Variants in ADGRB3 observed in about 807,000 individuals in gnomAD.
The protein encoded by ADGRB3 is brain-specific angiogenesis inhibitor 3.
ADGRB3 carries 37 observed loss-of-function variants against 193.4 expected under a neutral mutation model. That is an observed-to-expected ratio of 0.19 (90% confidence interval 0.15 to 0.25). ADGRB3 has a LOEUF of 0.25. ADGRB3 is among the 10% of genes least tolerant of loss of function. The probability of loss-of-function intolerance (pLI) is 1.00; values close to 1 mark genes in which losing one functional copy is unlikely to be tolerated. For missense variants in ADGRB3, 1,637 were observed against 1,852.9 expected (o/e 0.88, Z 2.14); for synonymous variants, 690 against 644.2 (o/e 1.07, Z -1.08).
At chr6:69,134,174 GA>G (rs1774087768) in intron 17 of ADGRB3, among the ~76,000 whole-genome samples, 1 of 152,020 alleles carries the variant, frequency 6.6e-6, no homozygotes, top group Non-Finnish European at 1.5e-5. Flanking sequence ...TGGTCCTCTT[GA>G]ATATGCTTTA....
intron 17 of ADGRB3, among the ~76,000 whole-genome samples, chr6:69,202,099 T>A (rs902838988): frequency 1.3e-5 from 2 of 152,158 alleles, no homozygotes; most frequent in Non-Finnish European, 2.9e-5. Context: ...AACCAGAAGT[T>A]GAAGTCACTC....
chr6:69,297,054 T>C (rs1767834636), intron 20 of ADGRB3, among the ~76,000 whole-genome samples: 1 of 152,102 alleles, frequency 6.6e-6, no homozygotes, highest in Non-Finnish European at 1.5e-5. Context: ...TCTCAGACTT[T>C]TACTCCAGGA....
chr6:68,993,666 T>G (rs932433132), intron 10 of ADGRB3, 102 bp from the exon 11 acceptor site: 41 of 1,232,286 alleles, frequency 3.3e-5, no homozygotes, highest in Non-Finnish European at 4.7e-5. Flanking sequence ...CAAGGCTATT[T>G]TAAGTTAATT....
intron 3 of ADGRB3, among the ~76,000 whole-genome samples, chr6:68,676,431 T>G (rs998268490): frequency 2.7e-5 from 4 of 146,184 alleles, no homozygotes; most frequent in Non-Finnish European, 6.0e-5. Context: ...AGAGAGAGAA[T>G]GAAGTTGACT....
At chr6:69,187,353 TAAC>T (rs1389508361) in intron 17 of ADGRB3, among the ~76,000 whole-genome samples, 2 of 152,218 alleles carry the variant, frequency 1.3e-5, no homozygotes, top group Non-Finnish European at 2.9e-5. Context: ...TTTAGGATGA[TAAC>T]AACTGCTATT....
chr6:68,737,205 G>A (rs1038999649), intron 3 of ADGRB3, among the ~76,000 whole-genome samples: 1 of 152,066 alleles, frequency 6.6e-6, no homozygotes, highest in African/African-American at 2.4e-5. Flanking sequence ...TATGAATCAA[G>A]TATAAGAATT....
intron 13 of ADGRB3, among the ~76,000 whole-genome samples, chr6:69,024,637 A>G (rs1278351999): frequency 2.0e-5 from 3 of 152,234 alleles, no homozygotes; most frequent in Non-Finnish European, 4.4e-5. Context: ...AGGAATTTCA[A>G]AAGTTCTGCT....
chr6:68,754,292 G>T (rs1349888216), intron 3 of ADGRB3, among the ~76,000 whole-genome samples: 1 of 152,266 alleles, frequency 6.6e-6, no homozygotes, highest in Non-Finnish European at 1.5e-5. Flanking sequence ...TTCATGCCAG[G>T]CCTCTGGTCA....
At chr6:69,337,986 G>T (rs1000488764) in intron 24 of ADGRB3, among the ~76,000 whole-genome samples, 2 of 152,208 alleles carry the variant, frequency 1.3e-5, no homozygotes, top group East Asian at 1.9e-4. Flanking sequence ...AAGTTGTTTG[G>T]AATTTTTAAT....
chr6:69,061,932 A>C (rs1771761727), intron 15 of ADGRB3, among the ~76,000 whole-genome samples: 1 of 152,004 alleles, frequency 6.6e-6, no homozygotes, highest in Admixed American at 6.6e-5. Context: ...GAATTAAACT[A>C]TGTACTTAAA....
chr6:69,359,042 A>C (rs912503694), intron 28 of ADGRB3, among the ~76,000 whole-genome samples: 3 of 151,722 alleles, frequency 2.0e-5, no homozygotes, highest in African/African-American at 7.2e-5. Flanking sequence ...ACGAATTTAA[A>C]TTATAGAGTC....
At chr6:69,124,916 C>G (rs1030210393) in intron 17 of ADGRB3, among the ~76,000 whole-genome samples, 24 of 150,596 alleles carry the variant, frequency 1.6e-4, no homozygotes, top group African/African-American at 5.9e-4. Flanking sequence ...CCTTAAGATG[C>G]TCAGTTGTCA....
At chr6:68,727,058 G>C (rs1361763738) in intron 3 of ADGRB3, among the ~76,000 whole-genome samples, 1 of 151,528 alleles carries the variant, frequency 6.6e-6, no homozygotes, top group Non-Finnish European at 1.5e-5. Context: ...AAGTCCTCTT[G>C]TCCAATATCC....
intron 19 of ADGRB3, among the ~76,000 whole-genome samples, chr6:69,238,724 T>C (rs925277357): frequency 2.0e-5 from 3 of 151,934 alleles, no homozygotes; most frequent in African/African-American, 4.8e-5. Context: ...GGTTGATTCA[T>C]ATGATAATGC....
intron 17 of ADGRB3, among the ~76,000 whole-genome samples, chr6:69,157,346 C>T (rs1774870557): frequency 6.6e-6 from 1 of 152,128 alleles, no homozygotes; most frequent in South Asian, 2.1e-4. Flanking sequence ...AGCTTCTGTA[C>T]CTACTGGAGC....
rs1771547735 is a variant in ADGRB3, at chr6:69,056,446, T to C, written c.2334-6488T>C. Among the ~76,000 whole-genome samples, 4 of 152,326 alleles carry C rather than the reference T, an allele frequency of 2.6e-5. No individual in the cohort carries two copies. In the South Asian group the frequency reaches 8.3e-4, roughly 32 times the overall value. On this transcript the variant is annotated intron_variant, in intron 15 of 31. Transcript: ENST00000370598. ...GGCCTTTTCATTCTACTCACTGTTT[T>C]CTTTCCTGCACAAAAGTTACTTTGT...
intron 3 of ADGRB3, among the ~76,000 whole-genome samples, chr6:68,854,535 A>C: frequency 6.7e-6 from 1 of 149,154 alleles, no homozygotes; most frequent in Non-Finnish European, 1.5e-5. Flanking sequence ...AAAATCTAAA[A>C]AATTTTTTTT....
At chr6:69,255,688 C>CAGA (rs1766749843) in intron 20 of ADGRB3, among the ~76,000 whole-genome samples, 1 of 152,152 alleles carries the variant, frequency 6.6e-6, no homozygotes, top group Non-Finnish European at 1.5e-5. Flanking sequence ...TTTTGCTGTG[C>CAGA]AGAAGCTCTT....
intron 3 of ADGRB3, among the ~76,000 whole-genome samples, chr6:68,653,641 CTA>C (rs1176837958): frequency 1.3e-5 from 2 of 151,948 alleles, no homozygotes; most frequent in Non-Finnish European, 2.9e-5. Context: ...TTATAGGAGA[CTA>C]TTCTTTCAAC....
Sources: gnomAD v4.1 joint callset for allele counts (sites outside exome capture counted in the v4.1 genomes callset) on GRCh38, gnomAD v4.1.1 for gene constraint, MANE v1.5 for transcripts, NCBI Gene and HGNC (gene_info 2026-07-23, HGNC 2026-07-21) for gene names.